RREB1: variants seen among roughly 807,000 people sequenced by gnomAD.
RREB1 encodes ras responsive element binding protein 1.
Under a neutral mutation model 117.8 loss-of-function variants are expected in RREB1, and 27 were observed. The observed-to-expected ratio is 0.23, with a 90% CI of 0.17 to 0.32. The LOEUF (loss-of-function observed/expected upper bound fraction) is 0.32, where lower values mean the gene tolerates loss of function less well. Ranked by LOEUF, RREB1 falls within the 10% of genes least tolerant of loss-of-function variation. The pLI is 1.00. For missense variants in RREB1, 2,577 were observed against 2,378.2 expected (o/e 1.08, Z -1.74); for synonymous variants, 1,298 against 1,026.7 (o/e 1.26, Z -5.05).
At chr6:7,149,935 C>T (rs1411819306) in intron 1 of RREB1, among the ~76,000 whole-genome samples, 7 of 151,666 alleles carry the variant, frequency 4.6e-5, no homozygotes, top group African/African-American at 1.7e-4. Context: ...GTGATCCACA[C>T]ACCTCGGCCT....
chr6:7,109,860 G>C (rs750016889), intron 1 of RREB1, among the ~76,000 whole-genome samples: 149 of 152,168 alleles, frequency 9.8e-4, no homozygotes, highest in Non-Finnish European at 1.0e-3. Flanking sequence ...GGTGGATGTG[G>C]AGAGAGACAA....
intron 6 of RREB1, among the ~76,000 whole-genome samples, chr6:7,196,239 T>TG (rs1277243126): frequency 1.3e-5 from 2 of 149,118 alleles, no homozygotes; most frequent in African/African-American, 4.9e-5. Context: ...TTGTTTTTTT[T>TG]TTTTTTTGCT....
At position 7,175,557 on chromosome 6, in the gene RREB1, G is replaced by C. The variant is rs74858563; in HGVS notation, c.-284-1098G>C. ...ATGCCAAGCAGTTGTTTCTCGCCCG[G>C]TGTTGTCCGTGTGGGGTTTATTTTA... is the stretch of plus-strand genomic sequence containing the variant. On this transcript the variant is annotated intron_variant, in intron 1 of 12. Transcript: ENST00000379938. Among the ~76,000 whole-genome samples, 852 of 152,304 alleles carry C rather than the reference G, an allele frequency of 5.6e-3. 8 individuals carry two copies. The highest frequency in any genetic ancestry group is 0.019 in the African/African-American group (790 of 41,562).
At chr6:7,109,543 G>A (rs1461951363) in intron 1 of RREB1, among the ~76,000 whole-genome samples, 1 of 152,154 alleles carries the variant, frequency 6.6e-6, no homozygotes, top group East Asian at 1.9e-4. Context: ...TGGGGGACGC[G>A]GGGACCCCAC....
Position 7,249,043 on chromosome 6 carries a change from C to A in RREB1, c.*75C>A. The A allele has an allele frequency of 4.8e-6, 5 of 1,052,068 alleles. No individual in the cohort carries two copies. Among genetic ancestry groups the A allele is most frequent in the Non-Finnish European group, 6.6e-6 (5 of 755,144 alleles). 65.2% of individuals were successfully genotyped at this position (1,052,068 alleles called of 1,614,324 possible). On this transcript the variant is annotated 3_prime_UTR_variant, in exon 13 of 13. Coordinates refer to ENST00000379938, the MANE Select transcript of RREB1 (RefSeq NM_001003699.4). ...TATACTTCATGGGGTTTCCTCAGTGCCCTTTGGCTGTTGAGGAGTGAGAGA... is the reference window on the plus strand; with the variant it reads ...TATACTTCATGGGGTTTCCTCAGTGACCTTTGGCTGTTGAGGAGTGAGAGA...
chr6:7,197,078 G>A (rs547173784), intron 6 of RREB1, among the ~76,000 whole-genome samples: 287 of 152,298 alleles, frequency 1.9e-3, no homozygotes, highest in Admixed American at 3.7e-3. Context: ...AGGAAAAAGG[G>A]CATTGAGCTT....
chr6:7,240,694 G>A, intron 11 of RREB1, 92 bp downstream of exon 11: 1 of 1,192,456 alleles, frequency 8.4e-7, no homozygotes, highest in South Asian at 1.5e-5. Flanking sequence ...GCTGTGGAGG[G>A]GCTGCTTGTT....
chr6:7,187,764 G>A (rs1007289333), intron 5 of RREB1: 1 of 236,860 alleles, frequency 4.2e-6, no homozygotes, highest in Non-Finnish European at 7.9e-6. Context: ...CTGTAGCTGT[G>A]CCTAATTTAA....
Position 7,117,220 on chromosome 6 carries a change from A to T in RREB1, c.-285+9160A>T, listed in dbSNP as rs78885348. On this transcript the variant is annotated intron_variant, in intron 1 of 12. Coordinates refer to ENST00000379938, the MANE Select transcript of RREB1 (RefSeq NM_001003699.4). ...TCACTGTTTTAAGGGAGCTCCCTTTATTCTGACACTTCAGTGTAAAAAACA... is the reference window on the plus strand; with the variant it reads ...TCACTGTTTTAAGGGAGCTCCCTTTTTTCTGACACTTCAGTGTAAAAAACA... Among the ~76,000 whole-genome samples the T allele has an allele frequency of 4.1e-3, 622 of 152,164 alleles. 5 individuals are homozygous for T. The highest frequency in any genetic ancestry group is 0.014 in the African/African-American group (601 of 41,518).
At chr6:7,247,700 G>T (rs1329148084) in intron 12 of RREB1, among the ~76,000 whole-genome samples, 1 of 152,112 alleles carries the variant, frequency 6.6e-6, no homozygotes, top group Non-Finnish European at 1.5e-5. Flanking sequence ...CGTGCAGTTC[G>T]GCTGAGATGA....
intron 10 of RREB1, among the ~76,000 whole-genome samples, chr6:7,233,004 C>T (rs1768096798): frequency 6.6e-6 from 1 of 152,062 alleles, no homozygotes; most frequent in African/African-American, 2.4e-5. Flanking sequence ...AAGCAATTCT[C>T]CCTGCCTCAG....
intron 1 of RREB1, among the ~76,000 whole-genome samples, chr6:7,130,166 G>T (rs1458849775): frequency 2.6e-5 from 4 of 152,210 alleles, no homozygotes; most frequent in Non-Finnish European, 2.9e-5. Context: ...CTCACTGGGG[G>T]CAAGAGCAAG....
At chr6:7,132,645 C>T (rs1395897103) in intron 1 of RREB1, among the ~76,000 whole-genome samples, 2 of 152,220 alleles carry the variant, frequency 1.3e-5, no homozygotes, top group African/African-American at 2.4e-5. Flanking sequence ...TGCCCATAGG[C>T]ATGCACCATT....
intron 11 of RREB1, among the ~76,000 whole-genome samples, chr6:7,242,997 G>A (rs1213224377): frequency 1.3e-5 from 2 of 152,206 alleles, no homozygotes; most frequent in African/African-American, 2.4e-5. Context: ...TTCCTCCGAT[G>A]ATGCCCCGTC....
chr6:7,156,555 C>T (rs1452950015), intron 1 of RREB1, among the ~76,000 whole-genome samples: 2 of 152,088 alleles, frequency 1.3e-5, no homozygotes, highest in Non-Finnish European at 2.9e-5. Flanking sequence ...CAAAATTCAC[C>T]CTGAAAAAAA....
intron 8 of RREB1, chr6:7,212,652 A>C (rs2113623194): frequency 6.6e-6 from 1 of 152,250 alleles, no homozygotes; most frequent in East Asian, 1.9e-4. Flanking sequence ...AGGGCCATAC[A>C]CGCGTGCAGC....
At chr6:7,185,688 T>G (rs1157364592) in intron 4 of RREB1, among the ~76,000 whole-genome samples, 4 of 152,190 alleles carry the variant, frequency 2.6e-5, no homozygotes, top group African/African-American at 9.7e-5. Context: ...CCCGTCTGGT[T>G]TATGGCGCCA....
rs1337934089 is a variant in RREB1, at chr6:7,249,099, G to C, written c.*131G>C. 1.4e-5 allele frequency: 8 copies of C among 587,898 alleles called. No individual in the cohort carries two copies. The highest frequency in any genetic ancestry group is 2.4e-5 in the South Asian group (1 of 41,834). 36.4% of individuals were successfully genotyped at this position (587,898 alleles called of 1,614,324 possible). A position where few individuals can be genotyped will look rare whatever the true frequency, so the allele number is the denominator to read the frequency against. On this transcript the variant is annotated 3_prime_UTR_variant, in exon 13 of 13. Transcript: ENST00000379938. ...AGAGAGAGAGAGAGAGAGAGAGAGA[G>C]AGAGACAAGCAGGAGCGTGGCTGCT...
Position 7,229,817 on chromosome 6 carries a change from C to G in RREB1, c.1718C>G (p.Ala573Gly). The G allele has an allele frequency of 1.9e-6, 3 of 1,610,266 alleles. No individual in the cohort carries two copies. The highest frequency in any genetic ancestry group is 2.5e-6 in the Non-Finnish European group (3 of 1,178,488). Residue 573 changes from alanine (A) to glycine (G), a missense_variant, in exon 10 of 13, where the codon GCG becomes GGG. By Grantham distance (60) the Ala-to-Gly change is moderately conservative. Transcript: ENST00000379938. This position sits in a 1 kb window ranked among gnomAD's most constrained non-coding sequence, Gnocchi z 4.5. ...LQSKSGTQPH[A>G]ATRLSLQQPR... ...TCCAAGTCCGGGACCCAGCCCCACGCGGCCACGCGGCTCTCCCTGCAGCAG... is the reference window on the plus strand; with the variant it reads ...TCCAAGTCCGGGACCCAGCCCCACGGGGCCACGCGGCTCTCCCTGCAGCAG...
Sources: allele counts gnomAD v4.1 joint callset (sites outside exome capture counted in the v4.1 genomes callset), GRCh38; gene constraint gnomAD v4.1.1; non-coding constraint Gnocchi (gnomAD v3.1); transcripts MANE v1.5; gene names NCBI Gene and HGNC (gene_info 2026-07-23, HGNC 2026-07-21).